FBXO25: variants seen among roughly 807,000 people sequenced by gnomAD.
The protein encoded by FBXO25 is F-box only protein 25.
In FBXO25, 45 loss-of-function variants were observed where a neutral mutation model predicts 51.9. The observed-to-expected ratio is 0.87, with a 90% CI of 0.68 to 1.11. The LOEUF is 1.11. FBXO25 is among the 50% of genes most tolerant of loss of function. The pLI is 0.00. For synonymous variants in FBXO25, 199 were observed against 151.0 expected (o/e 1.32, Z -2.33); for missense variants, 507 against 428.5 (o/e 1.18, Z -1.62).
chr8:456,328 G>C (rs979305117), intron 7 of FBXO25, among the ~76,000 whole-genome samples: 2 of 152,150 alleles, frequency 1.3e-5, no homozygotes, highest in African/African-American at 4.8e-5. Context: ...TCCCACCTCA[G>C]CCTCCTGGGT....
At chr8:414,395 C>G (rs889974918) in intron 2 of FBXO25, among the ~76,000 whole-genome samples, 5 of 151,980 alleles carry the variant, frequency 3.3e-5, no homozygotes, top group Non-Finnish European at 7.4e-5. Flanking sequence ...TGTCAGGTGT[C>G]TCACATTTAC....
chr8:427,272 C>G (rs545009454), intron 2 of FBXO25, among the ~76,000 whole-genome samples: 3 of 150,672 alleles, frequency 2.0e-5, no homozygotes, highest in African/African-American at 7.4e-5. Flanking sequence ...CCAAATTGAT[C>G]GAAAGGAAAT....
intron 1 of FBXO25, among the ~76,000 whole-genome samples, chr8:409,271 C>T (rs572938099): frequency 6.6e-6 from 1 of 152,292 alleles, no homozygotes; most frequent in East Asian, 1.9e-4. Flanking sequence ...TCATTGTGAT[C>T]CATAGAGCAT....
intron 9 of FBXO25, 22 bp downstream of exon 9, chr8:463,172 T>A (rs760325956): frequency 1.2e-6 from 2 of 1,601,290 alleles, no homozygotes; most frequent in Admixed American, 3.6e-5. Flanking sequence ...AATGCACTCT[T>A]GGAATTTCAG....
chr8:473,224 T>C lies in FBXO25; in HGVS notation c.*4420T>C, dbSNP rs1800538709. On this transcript the variant is annotated 3_prime_UTR_variant, in exon 10 of 10. Transcript: ENST00000350302. ...GTCCCCCCGCGTCCCATGGGCTAAA[T>C]GCCACTGAGCCGGTAGGAGCTGCTC... is the stretch of plus-strand genomic sequence containing the variant. 1 of 152,296 alleles carries C rather than the reference T, an allele frequency of 6.6e-6. No homozygotes were observed. Among genetic ancestry groups the C allele is most frequent in the African/African-American group, 2.4e-5 (1 of 41,472 alleles). 9.4% of individuals were successfully genotyped at this position (152,296 alleles called of 1,614,324 possible).
At position 477,641 on chromosome 8, in the gene FBXO25, A is replaced by G. The variant is rs972416931; in HGVS notation, c.*8837A>G. 2.1e-4 allele frequency: 32 copies of G among 152,258 alleles called. No individual in the cohort carries two copies. The highest frequency in any genetic ancestry group is 7.7e-4 in the African/African-American group (32 of 41,470). 9.4% of individuals were successfully genotyped at this position (152,258 alleles called of 1,614,324 possible). ...TGAAGCAGGGCTTGGAGCAGATGGT[A>G]AAGATTGTTGGCTTTTCCAGCCATG... On this transcript the variant is annotated 3_prime_UTR_variant, in exon 10 of 10. Coordinates refer to ENST00000350302, the MANE Select transcript of FBXO25 (RefSeq NM_183420.2).
At chr8:418,333 CTTTTTTTTTT>C (rs1207244013) in intron 2 of FBXO25, among the ~76,000 whole-genome samples, 55 of 72,334 alleles carry the variant, frequency 7.6e-4, no homozygotes, top group African/African-American at 9.3e-4. Context: ...TTTGTTTGTT[CTTTTTTTTTT>C]TTTTTTTTTT....
intron 2 of FBXO25, among the ~76,000 whole-genome samples, chr8:419,439 C>G (rs146850439): frequency 6.6e-6 from 1 of 152,146 alleles, no homozygotes; most frequent in African/African-American, 2.4e-5. Context: ...GTATGTGGTA[C>G]TGGCGAAAAG....
Position 471,824 on chromosome 8 carries a change from A to T in FBXO25, c.*3020A>T, listed in dbSNP as rs1800494976. Reference sequence around the variant, plus strand: ...ACTGCATGACGTACAGGCTCTCTGTATGCACTGTGTGTGCGTACTGTACAG... The same window carrying T: ...ACTGCATGACGTACAGGCTCTCTGTTTGCACTGTGTGTGCGTACTGTACAG... On this transcript the variant is annotated 3_prime_UTR_variant, in exon 10 of 10. Transcript: ENST00000350302. 6.6e-6 allele frequency: 1 copy of T among 152,248 alleles called. No individual in the cohort carries two copies. The highest frequency in any genetic ancestry group is 1.5e-5 in the Non-Finnish European group (1 of 68,046). The allele number at this position is 152,248 out of a possible 1,614,324, so 9.4% of individuals were successfully genotyped here. A position where few individuals can be genotyped will look rare whatever the true frequency, so the allele number is the denominator to read the frequency against.
chr8:443,503 A>G (rs1329203633), intron 5 of FBXO25, among the ~76,000 whole-genome samples: 1 of 151,760 alleles, frequency 6.6e-6, no homozygotes, highest in Non-Finnish European at 1.5e-5. Context: ...GTCAGTGAAC[A>G]TTTGACAGAG....
intron 5 of FBXO25, among the ~76,000 whole-genome samples, chr8:444,430 T>C (rs1337316646): frequency 1.3e-5 from 2 of 152,342 alleles, no homozygotes; most frequent in East Asian, 3.9e-4. Flanking sequence ...TTTAACTTTA[T>C]TGGATTCTAG....
At chr8:408,157 T>C (rs117124533) in intron 1 of FBXO25, among the ~76,000 whole-genome samples, 8,978 of 152,278 alleles carry the variant, frequency 0.059, 283 homozygotes, top group Middle Eastern at 0.082. Context: ...TAAAATGTCC[T>C]TTCTGGATCA....
chr8:461,143 G>C (rs1420992007), intron 8 of FBXO25, among the ~76,000 whole-genome samples: 1 of 152,088 alleles, frequency 6.6e-6, no homozygotes, highest in Non-Finnish European at 1.5e-5. Context: ...GCTCTGCACT[G>C]GTCATTTTCA....
rs528255198 is a variant in FBXO25, at chr8:477,328, G to C, written c.*8524G>C. The C allele has an allele frequency of 2.6e-5, 4 of 152,268 alleles. No individual in the cohort carries two copies. The South Asian group carries it at 8.3e-4, about 32-fold the overall frequency. 9.4% of individuals were successfully genotyped at this position (152,268 alleles called of 1,614,324 possible). A position where few individuals can be genotyped will look rare whatever the true frequency, so the allele number is the denominator to read the frequency against. ...CTTGCGACTGATCTTCTGTCTGGTT[G>C]TCCTATCCGTTACTGAAAGTGGGCT... On this transcript the variant is annotated 3_prime_UTR_variant, in exon 10 of 10. Transcript: ENST00000350302.
chr8:455,951 A>T (rs11996843), intron 7 of FBXO25, among the ~76,000 whole-genome samples: 1 of 152,220 alleles, frequency 6.6e-6, no homozygotes, highest in Non-Finnish European at 1.5e-5. Context: ...TCTGCCAGAA[A>T]TCCCAAATGC....
chr8:432,197 C>T (rs6981190), intron 3 of FBXO25, among the ~76,000 whole-genome samples: 6,980 of 152,060 alleles, frequency 0.046, 243 homozygotes, highest in African/African-American at 0.091. Flanking sequence ...ACAGGTGATC[C>T]GATAACCAAG....
At chr8:450,746 TGTG>T (rs1190485158) in intron 6 of FBXO25, 1 of 152,322 alleles carries the variant, frequency 6.6e-6, no homozygotes, top group African/African-American at 2.4e-5. Flanking sequence ...ATCTTTTTAT[TGTG>T]GTAAAATACA....
intron 2 of FBXO25, among the ~76,000 whole-genome samples, chr8:421,574 G>C (rs1364103403): frequency 6.6e-6 from 1 of 152,188 alleles, no homozygotes; most frequent in Non-Finnish European, 1.5e-5. Flanking sequence ...GATCAGGGTT[G>C]GAGGTGTCAG....
chr8:463,206 T>G, intron 9 of FBXO25, 56 bp downstream of exon 9: 2 of 1,555,312 alleles, frequency 1.3e-6, no homozygotes, highest in Non-Finnish European at 1.8e-6. Context: ...TGAAACAAAC[T>G]AATCACCTAT....
Sources: gnomAD v4.1 joint callset for allele counts (sites outside exome capture counted in the v4.1 genomes callset) on GRCh38, gnomAD v4.1.1 for gene constraint, MANE v1.5 for transcripts, NCBI Gene and HGNC (gene_info 2026-07-23, HGNC 2026-07-21) for gene names.